Variants in IRAG2 observed in about 807,000 individuals in gnomAD.
IRAG2 encodes inositol 1,4,5-triphosphate receptor associated 2.
IRAG2 carries 45 observed loss-of-function variants against 69.9 expected under a neutral mutation model. That is an observed-to-expected ratio of 0.64 (90% CI 0.51 to 0.83). The LOEUF is 0.83. Among genes scored for constraint, IRAG2 ranks in the 40% least tolerant of loss-of-function variants. IRAG2 has a pLI of 0.00. For synonymous variants in IRAG2, 193 were observed against 202.4 expected, an observed-to-expected ratio of 0.95 and a Z score of 0.40; for missense variants, 520 against 587.0, an observed-to-expected ratio of 0.89 and a Z score of 1.18.
chr12:25,021,085 T>C, intron 7 of IRAG2: 1 of 320,628 alleles, frequency 3.1e-6, no homozygotes. Context: ...TTTCTTTCTT[T>C]CTTTTCTTTT....
intron 1 of IRAG2, chr12:25,005,188 T>C: frequency 1.1e-6 from 1 of 906,168 alleles, no homozygotes; most frequent in African/African-American, 1.7e-5. Flanking sequence ...AAAGGAAAAT[T>C]AATCATTATA....
At chr12:25,056,921 G>A (rs1175091950) in intron 1 of IRAG2, among the ~76,000 whole-genome samples, 2 of 152,122 alleles carry the variant, frequency 1.3e-5, no homozygotes, top group Non-Finnish European at 2.9e-5. Context: ...GGGTTCTACA[G>A]GGCTCTGGAC....
At chr12:25,054,622 G>A (rs144737988) in intron 1 of IRAG2, among the ~76,000 whole-genome samples, 8 of 152,224 alleles carry the variant, frequency 5.3e-5, no homozygotes, top group East Asian at 3.9e-4. Context: ...GGGTTGATAC[G>A]TGTATTTTTT....
chr12:25,010,196 G>A (rs962740605), intron 2 of IRAG2, among the ~76,000 whole-genome samples: 11 of 152,180 alleles, frequency 7.2e-5, no homozygotes, highest in African/African-American at 2.7e-4. Context: ...GCAATTCTCT[G>A]CTGGGTACAG....
chr12:25,052,378 CA>C (rs1591943004), upstream of IRAG2: 1 of 397,954 alleles, frequency 2.5e-6, no homozygotes, highest in East Asian at 3.6e-5. Flanking sequence ...ACATTAGATT[CA>C]GGGGACATCT....
intron 2 of IRAG2, among the ~76,000 whole-genome samples, chr12:25,006,793 T>C (rs1944436424): frequency 6.6e-6 from 1 of 152,106 alleles, no homozygotes; most frequent in Admixed American, 6.6e-5. Flanking sequence ...GGATCATTTG[T>C]ACACTAAACC....
Position 25,092,077 on chromosome 12 carries a change from CA to C in IRAG2, c.606+1882del, listed in dbSNP as rs762725554. 1.8e-3 allele frequency among the ~76,000 whole-genome samples: 268 copies of C among 152,128 alleles called. 1 individual carries two copies. Among genetic ancestry groups the C allele is most frequent in the Non-Finnish European group, 3.0e-3 (201 of 67,988 alleles). ...GGTCAGGAGTTTGAGACCAGCTGGC[CA>C]ACATGGCGAAACACCATCTCTACTA... On this transcript the variant is annotated intron_variant, in intron 14 of 21. Transcript: ENST00000556887.
the IRAG2 span, chr12:24,997,713 A>C: frequency 6.5e-6 from 1 of 153,104 alleles, no homozygotes; most frequent in East Asian, 1.9e-4. Flanking sequence ...GGGAAAAGCA[A>C]TATCAGATGT....
At chr12:25,025,635 T>C (rs2139840915) in intron 8 of IRAG2, among the ~76,000 whole-genome samples, 1 of 152,352 alleles carries the variant, frequency 6.6e-6, no homozygotes, top group East Asian at 1.9e-4. Context: ...TAGAATCCAT[T>C]GTAGCGGGGC....
chr12:25,101,383 T>G, intron 16 of IRAG2, 58 bp downstream of exon 16: 2 of 1,298,956 alleles, frequency 1.5e-6, no homozygotes, highest in Non-Finnish European at 2.1e-6. Context: ...TCCTCTTTTT[T>G]GCTAAGTCTT....
chr12:25,029,202 G>A (rs111612827), intron 9 of IRAG2, among the ~76,000 whole-genome samples: 1 of 152,172 alleles, frequency 6.6e-6, no homozygotes, highest in African/African-American at 2.4e-5. Flanking sequence ...TAAAGCATGG[G>A]ATTACAGCTG....
At chr12:25,041,564 C>A (rs1365346959) in intron 16 of IRAG2, among the ~76,000 whole-genome samples, 1 of 151,810 alleles carries the variant, frequency 6.6e-6, no homozygotes, top group Non-Finnish European at 1.5e-5. Context: ...TCACTGGAAC[C>A]TCCACCTCCC....
At chr12:25,024,746 T>A (rs75489784) in intron 8 of IRAG2, among the ~76,000 whole-genome samples, 1 of 152,210 alleles carries the variant, frequency 6.6e-6, no homozygotes, top group African/African-American at 2.4e-5. Context: ...AAGCCTATAT[T>A]AGATTCAGAG....
intron 2 of IRAG2, among the ~76,000 whole-genome samples, chr12:25,010,407 A>G (rs1223025391): frequency 6.6e-6 from 1 of 151,978 alleles, no homozygotes; most frequent in Non-Finnish European, 1.5e-5. Flanking sequence ...AGCCCAAGAG[A>G]TTGAGGTTGC....
intron 9 of IRAG2, among the ~76,000 whole-genome samples, chr12:25,082,703 A>G (rs938581099): frequency 1.3e-5 from 2 of 152,226 alleles, no homozygotes; most frequent in Non-Finnish European, 2.9e-5. Flanking sequence ...GAAATTGCTT[A>G]CCATTTTGTT....
intron 9 of IRAG2, among the ~76,000 whole-genome samples, chr12:25,029,899 A>C (rs1228780096): frequency 6.6e-6 from 1 of 152,172 alleles, no homozygotes; most frequent in Non-Finnish European, 1.5e-5. Flanking sequence ...TGGAATCTCT[A>C]TGTTCATATT....
At chr12:25,013,974 A>C (rs12809498) in intron 3 of IRAG2, among the ~76,000 whole-genome samples, 4 of 138,836 alleles carry the variant, frequency 2.9e-5, no homozygotes, top group Non-Finnish European at 6.0e-5. Context: ...TCCAGGGTTC[A>C]TGCCATTCTC....
At chr12:25,094,394 T>A (rs1204439146) in intron 14 of IRAG2, among the ~76,000 whole-genome samples, 1 of 152,212 alleles carries the variant, frequency 6.6e-6, no homozygotes, top group African/African-American at 2.4e-5. Flanking sequence ...TCATTTCATA[T>A]ACATTTATTT....
intron 3 of IRAG2, among the ~76,000 whole-genome samples, chr12:25,012,375 G>C (rs967929891): frequency 6.6e-6 from 1 of 151,400 alleles, no homozygotes; most frequent in African/African-American, 2.4e-5. Context: ...GGCTGGTCTC[G>C]AACTCCTGAT....
Sources: allele counts gnomAD v4.1 joint callset (sites outside exome capture counted in the v4.1 genomes callset), GRCh38; gene constraint gnomAD v4.1.1; transcripts MANE v1.5; gene names NCBI Gene and HGNC (gene_info 2026-07-23, HGNC 2026-07-21).